The following GHSR variants were observed in gnomAD, a reference collection of about 807,000 sequenced individuals.
GHSR encodes the protein growth hormone secretagogue receptor type 1.
GHSR carries 17 observed loss-of-function variants against 24.0 expected under a neutral mutation model. The observed-to-expected ratio is 0.71, with a 90% CI of 0.49 to 1.06. GHSR has a LOEUF of 1.06. Ranked by LOEUF, GHSR falls within the 50% of genes least tolerant of loss-of-function variation. GHSR has a pLI of 0.00. For missense variants in GHSR, 504 were observed against 483.1 expected (o/e 1.04, Z -0.41); for synonymous variants, 238 against 208.1 (o/e 1.14, Z -1.24).
Position 172,444,337 on chromosome 3 carries a change from T to C in GHSR, c.*824A>G, listed in dbSNP as rs1737409525. On this transcript the variant is annotated 3_prime_UTR_variant, in exon 2 of 2. Coordinates refer to ENST00000241256, the MANE Select transcript of GHSR (RefSeq NM_198407.2). The stretch of plus-strand genomic sequence containing the variant: ...TAAGGTGAATGATAAGTTTTGTATA[T>C]ACTCTAGAGCTGTACTGTTCTGAGT... Among the ~76,000 whole-genome samples the C allele has an allele frequency of 1.3e-5, 2 of 152,214 alleles. No individual in the cohort carries two copies. Among genetic ancestry groups the C allele is most frequent in the South Asian group, 2.1e-4 (1 of 4,836 alleles).
Position 172,445,363 on chromosome 3 carries a change from A to G in GHSR, c.899T>C (p.Ile300Thr), listed in dbSNP as rs1160637751. The change falls in exon 2 of 2, where the codon ATC becomes ACC. Residue 300 changes from isoleucine to threonine, a missense_variant. By Grantham distance (89) the Ile-to-Thr change is moderately conservative. Coordinates refer to ENST00000241256, the MANE Select transcript of GHSR (RefSeq NM_198407.2). ...FEPGSLEIAQ[I>T]SQYCNLVSFV... is the part of the protein sequence containing the mutation. ...GGACACGAGGTTGCAGTACTGGCTG[A>G]TCTGAGCAATCTCCAAGGAGCCAGG... 1 of 1,614,178 alleles carries G rather than the reference A, an allele frequency of 6.2e-7. No homozygotes were observed. Among genetic ancestry groups the G allele is most frequent in the Non-Finnish European group, 8.5e-7 (1 of 1,180,032 alleles).
chr3:172,447,611 G>A lies in GHSR; in HGVS notation c.796+7C>T, dbSNP rs1553806859. 1 of 1,613,658 alleles carries A rather than the reference G, an allele frequency of 6.2e-7. No individual in the cohort carries two copies. Among genetic ancestry groups the A allele is most frequent in the Non-Finnish European group, 8.5e-7 (1 of 1,179,804 alleles). On this transcript the variant is annotated splice_region_variant and intron_variant, in intron 1 of 1. Coordinates refer to ENST00000241256, the MANE Select transcript of GHSR (RefSeq NM_198407.2). ...GAGAGAAAGCCTGAGCGCGCGCTGA[G>A]ACCCACCCAGCATTTTCACGGTTTG...
rs746106545 is a variant in GHSR at position 172,448,362 on chromosome 3, C to T, written c.52G>A (p.Asp18Asn). 1 of 1,600,942 alleles carries T rather than the reference C, an allele frequency of 6.2e-7. No individual in the cohort carries two copies. Among genetic ancestry groups the T allele is most frequent in the African/African-American group, 1.3e-5 (1 of 74,928 alleles). The change falls in exon 1 of 2, where the codon GAC (aspartate) becomes AAC (asparagine). Residue 18 changes from aspartate (D) to asparagine (N), a missense_variant. By Grantham distance (23) the Asp-to-Asn change is conservative (BLOSUM62 1). Transcript: ENST00000241256. This position sits in a 1 kb window ranked among gnomAD's most constrained non-coding sequence, Gnocchi z 4.8. ...EEPGFNLTLA[D>N]LDWDASPGND... is the part of the protein sequence containing the mutation. ...CCGGGGGAAGCATCCCAGTCCAGGT[C>T]GGCCAGTGTGAGGTTGAACCCCGGC...
chr3:172,448,354 G>A lies in GHSR; in HGVS notation c.60C>T (p.Asp20=), dbSNP rs2232165. 47,119 of 1,601,884 alleles carry A rather than the reference G, an allele frequency of 0.029. 984 individuals carry two copies. Among genetic ancestry groups the A allele is most frequent in the African/African-American group, 0.079 (5,930 of 75,052 alleles). ...PGFNLTLADL[D]WDASPGNDSL... The stretch of plus-strand genomic sequence containing the variant: ...AGTCGTTGCCGGGGGAAGCATCCCA[G>A]TCCAGGTCGGCCAGTGTGAGGTTGA... Residue 20 remains aspartate (D), a synonymous_variant, in exon 1 of 2, where the codon GAC becomes GAT. Transcript: ENST00000241256. This position sits in a 1 kb window ranked among gnomAD's most constrained non-coding sequence, Gnocchi z 4.8.
Position 172,444,652 on chromosome 3 carries a change from A to G in GHSR, c.*509T>C, listed in dbSNP as rs1430026864. On this transcript the variant is annotated 3_prime_UTR_variant, in exon 2 of 2. Transcript: ENST00000241256. ...GACTTAGTGTGAAAAAAAAGAATGT[A>G]AATTCCTTTTTAATAATTTTTGTAC... is the stretch of plus-strand genomic sequence containing the variant. 3.3e-5 allele frequency among the ~76,000 whole-genome samples: 5 copies of G among 152,210 alleles called. No individual in the cohort carries two copies. In the East Asian group the frequency reaches 9.6e-4, roughly 29 times the overall value.
chr3:172,445,535 AC>A, intron 1 of GHSR, 70 bp from the exon 2 acceptor site: 11 of 1,486,112 alleles, frequency 7.4e-6, no homozygotes, highest in Non-Finnish European at 1.0e-5. Context: ...TATTTTTAAG[AC>A]TTTGTTTTTG....
At position 172,444,685 on chromosome 3, in the gene GHSR, T is replaced by C. The variant is rs1737417179; in HGVS notation, c.*476A>G. 6.6e-6 allele frequency among the ~76,000 whole-genome samples: 1 copy of C among 152,244 alleles called. No individual in the cohort carries two copies. Among genetic ancestry groups the C allele is most frequent in the Non-Finnish European group, 1.5e-5 (1 of 68,044 alleles). On this transcript the variant is annotated 3_prime_UTR_variant, in exon 2 of 2. Transcript: ENST00000241256. The stretch of plus-strand genomic sequence containing the variant: ...TTTTAATAATTTTTGTACTGATTGC[T>C]CACGTGCCTCATGTTATATTTCTCT...
chr3:172,445,419 TA>T lies in GHSR; in HGVS notation c.842del (p.Val281GlufsTer71). 1 of 1,613,822 alleles carries T rather than the reference TA, an allele frequency of 6.2e-7. No individual in the cohort carries two copies. The highest frequency in any genetic ancestry group is 8.5e-7 in the Non-Finnish European group (1 of 1,180,016). ...AGGATTTGGAAAATAAATATCGCCCTACGTGGAAGGGGAGCCAGCAGAGGAT... is the reference window on the plus strand; with the variant it reads ...AGGATTTGGAAAATAAATATCGCCCTCGTGGAAGGGGAGCCAGCAGAGGAT... ...AFILCWLPFH[V>X]GRYLFSKSFE... On this transcript the variant is annotated frameshift_variant, in exon 2 of 2. Coordinates refer to ENST00000241256, the MANE Select transcript of GHSR (RefSeq NM_198407.2). LOFTEE classifies it high-confidence loss of function.
rs773918727 is a variant in GHSR at position 172,447,943 on chromosome 3, C to T, written c.471G>A (p.Lys157=). 1.2e-6 allele frequency: 2 copies of T among 1,613,472 alleles called. No homozygotes were observed. Among genetic ancestry groups the T allele is most frequent in the African/African-American group, 1.3e-5 (1 of 75,056 alleles). ...FPLRAKVVVT[K]GRVKLVIFVI... ...CGAAGATGACCAGCTTCACCCGCCC[C>T]TTGGTGACCACCACCTTGGCCCGGA... Residue 157 remains lysine, a synonymous_variant, in exon 1 of 2, where the codon AAG becomes AAA. Transcript: ENST00000241256.
rs1442862093 is a variant in GHSR, at chr3:172,445,410, A to G, written c.852T>C (p.Tyr284=). ...CAGGCTCAAAGGATTTGGAAAATAA[A>G]TATCGCCCTACGTGGAAGGGGAGCC... is the stretch of plus-strand genomic sequence containing the variant. ...LCWLPFHVGR[Y]LFSKSFEPGS... The change falls in exon 2 of 2, where the codon TAT becomes TAC. Residue 284 remains tyrosine, a synonymous_variant. Transcript: ENST00000241256. 2.5e-6 allele frequency: 4 copies of G among 1,614,098 alleles called. No homozygotes were observed. In the Admixed American group the frequency reaches 6.7e-5, roughly 27 times the overall value.
chr3:172,447,530 A>G (rs747235897), intron 1 of GHSR, 88 bp downstream of exon 1: 1 of 1,567,536 alleles, frequency 6.4e-7, no homozygotes, highest in South Asian at 1.2e-5. Flanking sequence ...TCAGGGGGAA[A>G]TAGAGATGGA....
chr3:172,448,057 G>C lies in GHSR; in HGVS notation c.357C>G (p.Phe119Leu). The change falls in exon 1 of 2, where the codon TTC becomes TTG. Residue 119 changes from phenylalanine (F) to leucine (L), a missense_variant. Physicochemically the swap from Phe to Leu is conservative, Grantham distance 22 (BLOSUM62 0). Coordinates refer to ENST00000241256, the MANE Select transcript of GHSR (RefSeq NM_198407.2). This position sits in a 1 kb window ranked among gnomAD's most constrained non-coding sequence, Gnocchi z 4.8. ...AGGTGCAGCTCTCACTGACGAATTG[G>C]AAGAGTTTGCAGAGGAGGTCGCCGA... ...WNFGDLLCKLFQFVSESCTYA... is the reference protein window; with the variant it reads ...WNFGDLLCKLLQFVSESCTYA... 1 of 1,614,194 alleles carries C rather than the reference G, an allele frequency of 6.2e-7. No individual in the cohort carries two copies. The highest frequency in any genetic ancestry group is 8.5e-7 in the Non-Finnish European group (1 of 1,180,038).
chr3:172,448,386 G>T lies in GHSR; in HGVS notation c.28C>A (p.Pro10Thr). 3 of 1,597,982 alleles carry T rather than the reference G, an allele frequency of 1.9e-6. No homozygotes were observed. Among genetic ancestry groups the T allele is most frequent in the Non-Finnish European group, 2.5e-6 (3 of 1,179,194 alleles). Residue 10 changes from proline (P) to threonine (T), a missense_variant, in exon 1 of 2, where the codon CCG becomes ACG. By Grantham distance (38) the Pro-to-Thr change is conservative. Coordinates refer to ENST00000241256, the MANE Select transcript of GHSR (RefSeq NM_198407.2). This position sits in a 1 kb window ranked among gnomAD's most constrained non-coding sequence, Gnocchi z 4.8. The part of the protein sequence containing the change: MWNATPSEE[P>T]GFNLTLADLD... Reference sequence around the variant, plus strand: ...TCGGCCAGTGTGAGGTTGAACCCCGGCTCTTCGCTGGGCGTCGCGTTCCAC... The same window carrying T: ...TCGGCCAGTGTGAGGTTGAACCCCGTCTCTTCGCTGGGCGTCGCGTTCCAC...
chr3:172,445,407 T>C lies in GHSR; in HGVS notation c.855A>G (p.Leu285=). The change falls in exon 2 of 2, where the codon TTA becomes TTG. Residue 285 remains leucine, a synonymous_variant. Transcript: ENST00000241256. ...AGCCAGGCTCAAAGGATTTGGAAAA[T>C]AAATATCGCCCTACGTGGAAGGGGA... The part of the protein sequence containing the change: ...CWLPFHVGRY[L]FSKSFEPGSL... 3 of 1,613,832 alleles carry C rather than the reference T, an allele frequency of 1.9e-6. No homozygotes were observed. The highest frequency in any genetic ancestry group is 2.5e-6 in the Non-Finnish European group (3 of 1,179,980).
rs1737441508 is a variant in GHSR, at chr3:172,445,609, T to C, written c.797-144A>G. On this transcript the variant is annotated intron_variant, in intron 1 of 1. Coordinates refer to ENST00000241256, the MANE Select transcript of GHSR (RefSeq NM_198407.2). Reference sequence around the variant, plus strand: ...GTGTCCTGCTCTTCCTGTTCCAACATTTTAACAAAGATTCAGTCTGTCTGG... The same window carrying C: ...GTGTCCTGCTCTTCCTGTTCCAACACTTTAACAAAGATTCAGTCTGTCTGG... 6.9e-6 allele frequency: 6 copies of C among 872,584 alleles called. No individual in the cohort carries two copies. In the Admixed American group the frequency reaches 1.3e-4, roughly 18 times the overall value. 54.1% of individuals were successfully genotyped at this position (872,584 alleles called of 1,614,324 possible).
In GHSR at chr3:172,445,077, A is replaced by G; in HGVS notation, c.*84T>C. ...CTATGTGTTCCTAATTCCAAAATTA[A>G]CCTTCAGCTTCCTCCCAAGTTCTGC... On this transcript the variant is annotated 3_prime_UTR_variant, in exon 2 of 2. Transcript: ENST00000241256. The G allele has an allele frequency of 6.8e-7, 1 of 1,470,908 alleles. No homozygotes were observed. The highest frequency in any genetic ancestry group is 1.7e-5 in the Admixed American group (1 of 58,992). The allele number at this position is 1,470,908 out of a possible 1,614,324, so 91.1% of individuals were successfully genotyped here.
In GHSR at chr3:172,444,019, C is replaced by G. The variant is rs1263777381; in HGVS notation, c.*1142G>C. On this transcript the variant is annotated 3_prime_UTR_variant, in exon 2 of 2. Coordinates refer to ENST00000241256, the MANE Select transcript of GHSR (RefSeq NM_198407.2). The stretch of plus-strand genomic sequence containing the variant: ...GCCAGAGCACGTTACAAATTGTTCC[C>G]TTATTCACAAATCGAAGCCTTATAA... 6.6e-6 allele frequency among the ~76,000 whole-genome samples: 1 copy of G among 152,118 alleles called. No homozygotes were observed. The highest frequency in any genetic ancestry group is 2.1e-4 in the South Asian group (1 of 4,826).
rs778306245 is a variant in GHSR, at chr3:172,448,420, G to A, written c.-7C>T. 2.5e-6 allele frequency: 4 copies of A among 1,587,152 alleles called. No individual in the cohort carries two copies. The highest frequency in any genetic ancestry group is 1.3e-5 in the African/African-American group (1 of 74,498). On this transcript the variant is annotated 5_prime_UTR_variant, in exon 1 of 2. Coordinates refer to ENST00000241256, the MANE Select transcript of GHSR (RefSeq NM_198407.2). The surrounding 1 kb of genome is among the most constrained non-coding windows in gnomAD (Gnocchi z 4.8). The stretch of plus-strand genomic sequence containing the variant: ...TGGGCGTCGCGTTCCACATGCTGCC[G>A]GCTCAGCTGAACAGGCTCTGGGACG...
Position 172,445,029 on chromosome 3 carries a change from T to C in GHSR, c.*132A>G. On this transcript the variant is annotated 3_prime_UTR_variant, in exon 2 of 2. Transcript: ENST00000241256. ...TCACACCCTACAAATGATATCTTTTTTCCCTCCCAGATGTTTCTGGATCTA... is the reference window on the plus strand; with the variant it reads ...TCACACCCTACAAATGATATCTTTTCTCCCTCCCAGATGTTTCTGGATCTA... 1 of 983,130 alleles carries C rather than the reference T, an allele frequency of 1.0e-6. No individual in the cohort carries two copies. Among genetic ancestry groups the C allele is most frequent in the Non-Finnish European group, 1.6e-6 (1 of 628,932 alleles). The allele number at this position is 983,130 out of a possible 1,614,324, so 60.9% of individuals were successfully genotyped here. A position where few individuals can be genotyped will look rare whatever the true frequency, so the allele number is the denominator to read the frequency against.
Sources: allele counts gnomAD v4.1 joint callset (sites outside exome capture counted in the v4.1 genomes callset), GRCh38; gene constraint gnomAD v4.1.1; non-coding constraint Gnocchi (gnomAD v3.1); transcripts MANE v1.5; gene names NCBI Gene and HGNC (gene_info 2026-07-23, HGNC 2026-07-21).